The following CUX2 variants were observed in gnomAD, a reference collection of about 807,000 sequenced individuals.
The protein encoded by CUX2 is homeobox protein cut-like 2.
CUX2 carries 40 observed loss-of-function variants against 144.8 expected under a neutral mutation model. The observed-to-expected ratio is 0.28, with a 90% confidence interval of 0.21 to 0.36. The LOEUF (loss-of-function observed/expected upper bound fraction) is 0.36. Ranked by LOEUF, CUX2 falls within the 10% of genes least tolerant of loss-of-function variation. The probability of loss-of-function intolerance (pLI) is 1.00; values close to 1 mark genes in which losing one functional copy is unlikely to be tolerated. For missense variants in CUX2, 1,615 were observed against 1,994.0 expected (o/e 0.81, Z 3.62); for synonymous variants, 827 against 875.6 (o/e 0.94, Z 0.98).
chr12:111,154,324 C>T (rs527299013), intron 1 of CUX2, among the ~76,000 whole-genome samples: 8 of 152,116 alleles, frequency 5.3e-5, no homozygotes, highest in African/African-American at 1.9e-4. Flanking sequence ...CCTCCTGGAG[C>T]GAGACTTCAG....
chr12:111,040,211 C>T (rs977022591), intron 1 of CUX2, among the ~76,000 whole-genome samples: 4 of 151,858 alleles, frequency 2.6e-5, no homozygotes. Context: ...TGCTTGAGCC[C>T]AGGAGGTGGA....
intron 1 of CUX2, among the ~76,000 whole-genome samples, chr12:111,040,308 T>C (rs1869676988): frequency 6.7e-6 from 1 of 150,276 alleles, no homozygotes; most frequent in African/African-American, 2.5e-5. Flanking sequence ...CGGAAAAAAA[T>C]ATACTCCTAT....
At chr12:111,230,043 C>T (rs1240479986) in intron 3 of CUX2, among the ~76,000 whole-genome samples, 1 of 151,508 alleles carries the variant, frequency 6.6e-6, no homozygotes, top group African/African-American at 2.4e-5. Context: ...TTTCCAGCTA[C>T]TCCAAAGGCT....
At position 111,136,438 on chromosome 12, in the gene CUX2, C is replaced by T. The variant is rs540543005; in HGVS notation, c.64-77762C>T. ...CCAGAGGGGGCTGCTGCATTGACCT[C>T]GCCAGACCCAACAGGGGCAAGGCCT... On this transcript the variant is annotated intron_variant, in intron 1 of 21. Transcript: ENST00000261726. Among the ~76,000 whole-genome samples, 86 of 152,192 alleles carry T rather than the reference C, an allele frequency of 5.7e-4. 1 individual carries two copies. Among genetic ancestry groups the T allele is most frequent in the Admixed American group, 1.0e-3 (16 of 15,282 alleles).
chr12:111,204,918 C>T (rs571701408), intron 1 of CUX2, among the ~76,000 whole-genome samples: 1 of 152,338 alleles, frequency 6.6e-6, no homozygotes, highest in Non-Finnish European at 1.5e-5. Flanking sequence ...CGAATGTGAA[C>T]TGTCCATCAC....
chr12:111,315,614 G>A (rs1372265562), intron 16 of CUX2, among the ~76,000 whole-genome samples: 2 of 152,126 alleles, frequency 1.3e-5, no homozygotes, highest in Non-Finnish European at 2.9e-5. Context: ...AGCTACTCAG[G>A]AGGCTGAGGC....
chr12:111,328,938 CCTAT>C (rs1405973105), intron 18 of CUX2, among the ~76,000 whole-genome samples: 7 of 56,510 alleles, frequency 1.2e-4, no homozygotes, highest in Non-Finnish European at 2.0e-4. Flanking sequence ...TTTTGATTCA[CCTAT>C]CTCTCTCTCT....
Position 111,190,655 on chromosome 12 carries a change from A to G in CUX2, c.64-23545A>G, listed in dbSNP as rs1027797559. Among the ~76,000 whole-genome samples, 3 of 152,222 alleles carry G rather than the reference A, an allele frequency of 2.0e-5. No individual in the cohort carries two copies. The highest frequency in any genetic ancestry group is 7.2e-5 in the African/African-American group (3 of 41,456). On this transcript the variant is annotated intron_variant, in intron 1 of 21. Transcript: ENST00000261726. The surrounding 1 kb of genome is among the most constrained non-coding windows in gnomAD (Gnocchi z 4.0). The stretch of plus-strand genomic sequence containing the variant: ...ATCAATAGACCCTTTGTGGCCTAAC[A>G]GAGACACACCTGAAGGTGGTTGGTC...
At chr12:111,345,085 T>A (rs981277623) in intron 21 of CUX2, among the ~76,000 whole-genome samples, 12 of 152,166 alleles carry the variant, frequency 7.9e-5, no homozygotes, top group African/African-American at 1.7e-4. Context: ...TGCCATTTTT[T>A]AAAAAATGTT....
At chr12:111,341,637 C>CT in intron 20 of CUX2, 143 bp from the exon 21 acceptor site, 1 of 945,726 alleles carries the variant, frequency 1.1e-6, no homozygotes. Context: ...GGGAGAAAGG[C>CT]TGGGGGGCGG....
In CUX2 at chr12:111,059,635, GGA is replaced by G. The variant is rs1224879659; in HGVS notation, c.63+25397_63+25398del. ...GAGATGAAGTGGGGGCAGGGTGGCA[GGA>G]GCCAGATCACCTTGAGGGCTATGGT... On this transcript the variant is annotated intron_variant, in intron 1 of 21. Transcript: ENST00000261726. The surrounding 1 kb of genome is among the most constrained non-coding windows in gnomAD (Gnocchi z 5.3). Among the ~76,000 whole-genome samples, 1 of 152,136 alleles carries G rather than the reference GGA, an allele frequency of 6.6e-6. No homozygotes were observed. The highest frequency in any genetic ancestry group is 1.5e-5 in the Non-Finnish European group (1 of 68,016).
rs78613612 is a variant in CUX2 at position 111,196,658 on chromosome 12, T to C, written c.64-17542T>C. On this transcript the variant is annotated intron_variant, in intron 1 of 21. Transcript: ENST00000261726. ...AGCACTGTCCCATAGAACATGTAGA[T>C]GATATATATCTGAACCATCCTGTAC... 4.8e-3 allele frequency among the ~76,000 whole-genome samples: 729 copies of C among 152,328 alleles called. 6 individuals are homozygous for C. Among genetic ancestry groups the C allele is most frequent in the African/African-American group, 0.016 (677 of 41,568 alleles).
At chr12:111,193,461 C>T (rs147700774) in intron 1 of CUX2, among the ~76,000 whole-genome samples, 13 of 152,340 alleles carry the variant, frequency 8.5e-5, no homozygotes, top group Admixed American at 3.9e-4. Context: ...TCATGGATAG[C>T]TGTTGGGGGG....
chr12:111,058,407 A>G (rs546886166), intron 1 of CUX2, among the ~76,000 whole-genome samples: 1 of 152,376 alleles, frequency 6.6e-6, no homozygotes, highest in African/African-American at 2.4e-5. Flanking sequence ...AACTTCACAC[A>G]AGTGTGATTA....
At chr12:111,063,964 A>C (rs1199500711) in intron 1 of CUX2, among the ~76,000 whole-genome samples, 1 of 152,170 alleles carries the variant, frequency 6.6e-6, no homozygotes, top group Non-Finnish European at 1.5e-5. Context: ...TGCACCCGGC[A>C]AGGTGGTGGG....
chr12:111,234,683 G>A (rs1565864674), intron 3 of CUX2, among the ~76,000 whole-genome samples: 2 of 151,794 alleles, frequency 1.3e-5, no homozygotes, highest in African/African-American at 2.4e-5. Flanking sequence ...TTGAACACCG[G>A]TGAGGTGATC....
chr12:111,166,507 C>T (rs968604777), intron 1 of CUX2, among the ~76,000 whole-genome samples: 1 of 152,228 alleles, frequency 6.6e-6, no homozygotes, highest in Non-Finnish European at 1.5e-5. Context: ...GCACTTCCTG[C>T]AGATATTCTC....
At chr12:111,046,123 C>T (rs1869983319) in intron 1 of CUX2, among the ~76,000 whole-genome samples, 1 of 152,230 alleles carries the variant, frequency 6.6e-6, no homozygotes, top group South Asian at 2.1e-4. Context: ...CCTGGGTCTT[C>T]CTCCCAGCCC....
intron 1 of CUX2, among the ~76,000 whole-genome samples, chr12:111,104,707 C>T (rs12310691): frequency 0.026 from 3,889 of 152,260 alleles, 157 homozygotes; most frequent in African/African-American, 0.087. Flanking sequence ...TTTTCAGAGC[C>T]GCCAGGCCAG....
Sources: allele counts gnomAD v4.1 joint callset (sites outside exome capture counted in the v4.1 genomes callset), GRCh38; gene constraint gnomAD v4.1.1; non-coding constraint Gnocchi (gnomAD v3.1); transcripts MANE v1.5; gene names NCBI Gene and HGNC (gene_info 2026-07-23, HGNC 2026-07-21).